GPR137B: variants seen among roughly 807,000 people sequenced by gnomAD.
GPR137B encodes the protein integral membrane protein GPR137B.
A neutral mutation model predicts 42.5 loss-of-function variants in GPR137B; 42 were observed. The observed-to-expected ratio is 0.99, with a 90% confidence interval of 0.77 to 1.28. GPR137B has a LOEUF of 1.28. Among genes scored for constraint, GPR137B ranks in the 50% most tolerant of loss-of-function variants. The pLI, the probability that GPR137B is intolerant of heterozygous loss-of-function variation, is 0.00. For missense variants in GPR137B, 487 were observed against 493.9 expected (o/e 0.99, Z 0.13); for synonymous variants, 218 against 209.7 (o/e 1.04, Z -0.34).
At chr1:236,205,339 G>A (rs568584028) in intron 6 of GPR137B, 89 bp downstream of exon 6, 96 of 1,140,732 alleles carry the variant, frequency 8.4e-5, no homozygotes, top group East Asian at 2.9e-4. Context: ...AAATTCCTAC[G>A]TTAAAACTGT....
intron 6 of GPR137B, among the ~76,000 whole-genome samples, chr1:236,205,706 A>G (rs949526177): frequency 6.6e-6 from 1 of 152,088 alleles, no homozygotes; most frequent in African/African-American, 2.4e-5. Flanking sequence ...GCACCCAGCA[A>G]ATTTTTTTAT....
At chr1:236,195,553 G>A (rs1663308533) in intron 5 of GPR137B, among the ~76,000 whole-genome samples, 1 of 152,158 alleles carries the variant, frequency 6.6e-6, no homozygotes, top group South Asian at 2.1e-4. Flanking sequence ...ATTGTGAACA[G>A]TGCTGCAACA....
intron 1 of GPR137B, among the ~76,000 whole-genome samples, 176 bp downstream of exon 1, chr1:236,143,212 A>G (rs1661581561): frequency 6.6e-6 from 1 of 152,204 alleles, no homozygotes; most frequent in African/African-American, 2.4e-5. Flanking sequence ...GGCATTTGTC[A>G]TAGGAAACCC....
At chr1:236,202,694 C>T (rs1355267655) in intron 5 of GPR137B, among the ~76,000 whole-genome samples, 1 of 150,752 alleles carries the variant, frequency 6.6e-6, no homozygotes, top group Non-Finnish European at 1.5e-5. Flanking sequence ...TGAACTTTCA[C>T]TTCTTCAGGA....
At chr1:236,187,581 A>G (rs1663069671) in intron 5 of GPR137B, among the ~76,000 whole-genome samples, 1 of 152,206 alleles carries the variant, frequency 6.6e-6, no homozygotes, top group African/African-American at 2.4e-5. Context: ...CATTTATTAA[A>G]TAGGAAATCT....
intron 1 of GPR137B, among the ~76,000 whole-genome samples, chr1:236,145,176 A>G (rs1185680382): frequency 2.6e-5 from 4 of 152,220 alleles, no homozygotes; most frequent in Admixed American, 2.6e-4. Flanking sequence ...TTTCTGGCTT[A>G]GTGACAAAAC....
intron 1 of GPR137B, among the ~76,000 whole-genome samples, chr1:236,154,329 C>T (rs999252823): frequency 3.3e-5 from 5 of 152,154 alleles, no homozygotes; most frequent in Admixed American, 1.3e-4. Flanking sequence ...ACGCGTCATC[C>T]GTCCCCCGAG....
Position 236,157,159 on chromosome 1 carries a change from A to T in GPR137B, c.415-11547A>T, listed in dbSNP as rs1571966669. Among the ~76,000 whole-genome samples, 3 of 151,788 alleles carry T rather than the reference A, an allele frequency of 2.0e-5. No homozygotes were observed. The East Asian group carries it at 5.8e-4, about 29-fold the overall frequency. ...ACAGAGCAGGCAGGTGACTTTTCCAAGGCCACACAGCTGATAATTGGTAGA... is the reference window on the plus strand; with the variant it reads ...ACAGAGCAGGCAGGTGACTTTTCCATGGCCACACAGCTGATAATTGGTAGA... On this transcript the variant is annotated intron_variant, in intron 1 of 6. Transcript: ENST00000366592.
intron 1 of GPR137B, among the ~76,000 whole-genome samples, chr1:236,157,601 C>T (rs1279256923): frequency 5.3e-5 from 8 of 152,146 alleles, no homozygotes; most frequent in African/African-American, 9.7e-5. Context: ...ATAGGAGTAG[C>T]GTCGTCTGTC....
At chr1:236,163,917 C>T (rs1453925627) in intron 1 of GPR137B, among the ~76,000 whole-genome samples, 1 of 151,604 alleles carries the variant, frequency 6.6e-6, no homozygotes. Flanking sequence ...TCCCATACCT[C>T]GACACACTTT....
At chr1:236,161,056 T>A (rs1469015468) in intron 1 of GPR137B, among the ~76,000 whole-genome samples, 8 of 152,088 alleles carry the variant, frequency 5.3e-5, no homozygotes, top group African/African-American at 1.9e-4. Context: ...AGGAACCCCG[T>A]GCCTCTTAGT....
chr1:236,205,266 A>G lies in GPR137B; in HGVS notation c.1091+16A>G, dbSNP rs1274865505. 3 of 1,606,844 alleles carry G rather than the reference A, an allele frequency of 1.9e-6. No individual in the cohort carries two copies. The highest frequency in any genetic ancestry group is 2.2e-5 in the East Asian group (1 of 44,758). On this transcript the variant is annotated intron_variant, in intron 6 of 6. Transcript: ENST00000366592. ...TTCAGGGAGGGTAAGACCCTACTTC[A>G]TGTTAGACAAGCCTCATCAGGAGGG... is the stretch of plus-strand genomic sequence containing the variant.
At chr1:236,145,740 C>T (rs1349898090) in intron 1 of GPR137B, among the ~76,000 whole-genome samples, 1 of 152,186 alleles carries the variant, frequency 6.6e-6, no homozygotes, top group Non-Finnish European at 1.5e-5. Flanking sequence ...CCCCATTTTC[C>T]AGAGGAGGAA....
intron 5 of GPR137B, among the ~76,000 whole-genome samples, chr1:236,188,109 A>G (rs1325375453): frequency 1.3e-5 from 2 of 152,006 alleles, no homozygotes; most frequent in African/African-American, 4.8e-5. Flanking sequence ...ATGGGAGTTC[A>G]CTCATGATTT....
chr1:236,190,558 C>T (rs1663165156), intron 5 of GPR137B, among the ~76,000 whole-genome samples: 1 of 152,148 alleles, frequency 6.6e-6, no homozygotes, highest in Non-Finnish European at 1.5e-5. Context: ...ATTTGCTTGT[C>T]TATAATGGAT....
chr1:236,158,188 C>T (rs1007320437), intron 1 of GPR137B, among the ~76,000 whole-genome samples: 8 of 152,184 alleles, frequency 5.3e-5, no homozygotes, highest in Non-Finnish European at 8.8e-5. Flanking sequence ...CTTTGAGAGG[C>T]TGAGGTGGGT....
chr1:236,197,935 G>A (rs760401618), intron 5 of GPR137B, among the ~76,000 whole-genome samples: 1 of 152,260 alleles, frequency 6.6e-6, no homozygotes, highest in East Asian at 1.9e-4. Flanking sequence ...TGACCAGGCT[G>A]GTCTTGAACT....
chr1:236,172,040 CAAA>C (rs554280420), intron 2 of GPR137B, among the ~76,000 whole-genome samples: 1 of 72,462 alleles, frequency 1.4e-5, no homozygotes. Context: ...AACTCCATCT[CAAA>C]AAAAAAAAAA....
chr1:236,157,288 G>A (rs555330735), intron 1 of GPR137B, among the ~76,000 whole-genome samples: 16 of 151,450 alleles, frequency 1.1e-4, no homozygotes, highest in Non-Finnish European at 2.1e-4. Flanking sequence ...GCAGTGGCGC[G>A]ATCTCTGCTC....
Sources: allele counts gnomAD v4.1 joint callset (sites outside exome capture counted in the v4.1 genomes callset), GRCh38; gene constraint gnomAD v4.1.1; transcripts MANE v1.5; gene names NCBI Gene and HGNC (gene_info 2026-07-23, HGNC 2026-07-21).